The following ARHGAP24 variants were observed in gnomAD, a reference collection of about 807,000 sequenced individuals.
ARHGAP24 encodes the protein Rho GTPase activating protein 24.
In ARHGAP24, 50 loss-of-function variants were observed where a neutral mutation model predicts 76.4. That is an observed-to-expected ratio of 0.65 (90% CI 0.52 to 0.83). The LOEUF (loss-of-function observed/expected upper bound fraction) is 0.83. Among genes scored for constraint, ARHGAP24 ranks in the 40% least tolerant of loss-of-function variants. The probability of loss-of-function intolerance (pLI) is 0.00; values close to 1 mark genes in which losing one functional copy is unlikely to be tolerated. For missense variants in ARHGAP24, 930 were observed against 914.2 expected (o/e 1.02, Z -0.22); for synonymous variants, 345 against 323.3 (o/e 1.07, Z -0.72).
At chr4:85,967,973 G>A (rs1489433265) in intron 5 of ARHGAP24, among the ~76,000 whole-genome samples, 1 of 152,126 alleles carries the variant, frequency 6.6e-6, no homozygotes, top group Non-Finnish European at 1.5e-5. Flanking sequence ...GAGGTACAGA[G>A]ACAGCCCCAT....
In ARHGAP24 at chr4:85,991,828, G is replaced by A. The variant is rs1188981585; in HGVS notation, c.929-2755G>A. 3 of 244,444 alleles carry A rather than the reference G, an allele frequency of 1.2e-5. No individual in the cohort carries two copies. In the East Asian group the frequency reaches 2.2e-4, roughly 18 times the overall value. 15.1% of individuals were successfully genotyped at this position (244,444 alleles called of 1,614,324 possible). On this transcript the variant is annotated intron_variant, in intron 8 of 9. Coordinates refer to ENST00000395184, the MANE Select transcript of ARHGAP24 (RefSeq NM_001025616.3). ...ACAGATATGTTCAAACATGCAAAAT[G>A]ACACATGTACAAAGTTATTCATTGC...
At chr4:85,554,379 A>C (rs1260515833) in intron 1 of ARHGAP24, among the ~76,000 whole-genome samples, 1 of 152,180 alleles carries the variant, frequency 6.6e-6, no homozygotes, top group Non-Finnish European at 1.5e-5. Context: ...GTTTTCATGG[A>C]TAATATCTTA....
At chr4:85,878,687 T>C (rs548006347) in intron 3 of ARHGAP24, among the ~76,000 whole-genome samples, 2 of 152,266 alleles carry the variant, frequency 1.3e-5, no homozygotes, top group African/African-American at 4.8e-5. Context: ...TCTTGCATAA[T>C]CCATTTGTTT....
intron 2 of ARHGAP24, among the ~76,000 whole-genome samples, chr4:85,661,170 A>G (rs952357090): frequency 6.6e-6 from 1 of 152,218 alleles, no homozygotes; most frequent in African/African-American, 2.4e-5. Flanking sequence ...CTGCAGTTGA[A>G]TGCAGTGAGT....
intron 1 of ARHGAP24, among the ~76,000 whole-genome samples, chr4:85,526,851 A>G (rs1725023599): frequency 6.6e-6 from 1 of 152,202 alleles, no homozygotes; most frequent in Non-Finnish European, 1.5e-5. Context: ...TCAGCTTTTT[A>G]ATAATAGATG....
At chr4:85,608,361 C>G (rs1720271045) in intron 2 of ARHGAP24, among the ~76,000 whole-genome samples, 1 of 152,076 alleles carries the variant, frequency 6.6e-6, no homozygotes, top group East Asian at 1.9e-4. Flanking sequence ...GTTAGGGCAA[C>G]CAGCCAAACA....
chr4:85,631,594 G>A lies in ARHGAP24; in HGVS notation c.180+60873G>A, dbSNP rs561874443. Among the ~76,000 whole-genome samples, 97 of 152,036 alleles carry A rather than the reference G, an allele frequency of 6.4e-4. 1 individual carries two copies. The highest frequency in any genetic ancestry group is 2.0e-3 in the Admixed American group (30 of 15,260). On this transcript the variant is annotated intron_variant, in intron 2 of 9. Transcript: ENST00000395184. ...AAAATTATACAACCGTAATCCCCACGTTTTAAATAGATTCAATGTTCACTT... is the reference window on the plus strand; with the variant it reads ...AAAATTATACAACCGTAATCCCCACATTTTAAATAGATTCAATGTTCACTT...
At chr4:85,515,291 A>G (rs1271603373) in intron 1 of ARHGAP24, among the ~76,000 whole-genome samples, 2 of 151,938 alleles carry the variant, frequency 1.3e-5, no homozygotes, top group African/African-American at 4.8e-5. Context: ...AAAAGTAAAA[A>G]CTGTATAAAA....
At chr4:85,519,055 C>T (rs111873033) in intron 1 of ARHGAP24, among the ~76,000 whole-genome samples, 8,014 of 152,116 alleles carry the variant, frequency 0.053, 248 homozygotes, top group African/African-American at 0.074. Context: ...ATGAAAAAAA[C>T]GCTCAACATC....
chr4:85,908,536 A>G (rs900079700), intron 3 of ARHGAP24, among the ~76,000 whole-genome samples: 1 of 152,228 alleles, frequency 6.6e-6, no homozygotes, highest in Non-Finnish European at 1.5e-5. Flanking sequence ...AGGTACACAT[A>G]TCATTTATGC....
At chr4:85,789,547 T>C (rs1489797496) in intron 3 of ARHGAP24, among the ~76,000 whole-genome samples, 2 of 152,114 alleles carry the variant, frequency 1.3e-5, no homozygotes, top group East Asian at 3.9e-4. Flanking sequence ...CAACATCTGA[T>C]GCTACAGAGT....
At chr4:85,815,395 C>T (rs1329362229) in intron 3 of ARHGAP24, among the ~76,000 whole-genome samples, 1 of 152,186 alleles carries the variant, frequency 6.6e-6, no homozygotes, top group Non-Finnish European at 1.5e-5. Flanking sequence ...CCTTTAACAA[C>T]ACCCAAGTCA....
intron 3 of ARHGAP24, among the ~76,000 whole-genome samples, chr4:85,898,033 G>A (rs62315530): frequency 5.6e-4 from 76 of 134,648 alleles, no homozygotes; most frequent in African/African-American, 1.9e-3. Flanking sequence ...ACATATATGT[G>A]TATATATATA....
At chr4:85,492,934 C>A (rs1723416256) in intron 1 of ARHGAP24, among the ~76,000 whole-genome samples, 2 of 152,148 alleles carry the variant, frequency 1.3e-5, no homozygotes, top group Admixed American at 6.5e-5. Flanking sequence ...ATTTATTTGT[C>A]ATGTCTCTTA....
intron 3 of ARHGAP24, among the ~76,000 whole-genome samples, chr4:85,782,124 G>T (rs1444871536): frequency 1.3e-5 from 2 of 151,344 alleles, no homozygotes; most frequent in African/African-American, 4.9e-5. Context: ...CAGTTAGGTG[G>T]CATGACTTAT....
rs368286864 is a variant in ARHGAP24 at position 85,971,617 on chromosome 4, A to C, written c.600-419A>C. ...CAAGCAGTCATTTCTTTGTGTTATA[A>C]GCATTCCAATTATACTGTTTTAGTT... On this transcript the variant is annotated intron_variant, in intron 5 of 9. Coordinates refer to ENST00000395184, the MANE Select transcript of ARHGAP24 (RefSeq NM_001025616.3). Among the ~76,000 whole-genome samples the C allele has an allele frequency of 2.0e-5, 3 of 152,306 alleles. No individual in the cohort carries two copies. In the East Asian group the frequency reaches 5.8e-4, roughly 29 times the overall value.
chr4:85,960,150 T>G (rs17011274), intron 5 of ARHGAP24, among the ~76,000 whole-genome samples: 4,438 of 152,302 alleles, frequency 0.029, 246 homozygotes, highest in African/African-American at 0.1. Flanking sequence ...GAAGTATTCT[T>G]AACATATTGC....
At chr4:85,626,269 GT>G (rs1200283222) in intron 2 of ARHGAP24, among the ~76,000 whole-genome samples, 2 of 152,050 alleles carry the variant, frequency 1.3e-5, no homozygotes, top group East Asian at 1.9e-4. Context: ...AGGCCTGGTG[GT>G]GACAAAATCT....
At chr4:85,912,097 A>G (rs1735119723) in intron 3 of ARHGAP24, among the ~76,000 whole-genome samples, 1 of 152,212 alleles carries the variant, frequency 6.6e-6, no homozygotes, top group African/African-American at 2.4e-5. Flanking sequence ...TTGAAGGAAG[A>G]GTTTACTTGA....
Sources: allele counts gnomAD v4.1 joint callset (sites outside exome capture counted in the v4.1 genomes callset), GRCh38; gene constraint gnomAD v4.1.1; transcripts MANE v1.5; gene names NCBI Gene and HGNC (gene_info 2026-07-23, HGNC 2026-07-21).